Variants in SSH2 observed in about 807,000 individuals in gnomAD.
The protein encoded by SSH2 is slingshot protein phosphatase 2, also known as protein phosphatase Slingshot homolog 2.
SSH2 carries 37 observed loss-of-function variants against 135.2 expected under a neutral mutation model. The observed-to-expected ratio is 0.27, with a 90% CI of 0.21 to 0.36. The LOEUF is 0.36. SSH2 is among the 10% of genes least tolerant of loss of function. The pLI is 1.00. For missense variants in SSH2, 1,408 were observed against 1,765.3 expected (o/e 0.80, Z 3.63); for synonymous variants, 628 against 646.2 (o/e 0.97, Z 0.43).
chr17:29,850,931 G>A (rs535759794), intron 1 of SSH2, among the ~76,000 whole-genome samples: 1 of 152,276 alleles, frequency 6.6e-6, no homozygotes, highest in African/African-American at 2.4e-5. Flanking sequence ...GTTGCAGTGA[G>A]CCGAGATCGC....
chr17:29,728,946 C>T (rs1372566803), intron 3 of SSH2, among the ~76,000 whole-genome samples: 3 of 152,148 alleles, frequency 2.0e-5, no homozygotes, highest in Admixed American at 6.5e-5. Flanking sequence ...GAAACCACTA[C>T]AAGAAAACAC....
intron 3 of SSH2, among the ~76,000 whole-genome samples, chr17:29,759,190 C>G (rs1453680265): frequency 6.6e-6 from 1 of 152,070 alleles, no homozygotes; most frequent in Admixed American, 6.6e-5. Flanking sequence ...CATGCGCCAC[C>G]GCACCTGGCT....
chr17:29,742,021 G>A (rs1185671265), intron 3 of SSH2, among the ~76,000 whole-genome samples: 4 of 141,034 alleles, frequency 2.8e-5, no homozygotes, highest in Non-Finnish European at 6.0e-5. Flanking sequence ...TGCAACTTCC[G>A]CCTCCCGGGT....
At chr17:29,922,208 CAAGGCAGGGACTTGGG>C (rs2066988137) in intron 1 of SSH2, among the ~76,000 whole-genome samples, 1 of 152,130 alleles carries the variant, frequency 6.6e-6, no homozygotes, top group South Asian at 2.1e-4. Flanking sequence ...GAGCAGTGTG[CAAGGCAGGGACTTGGG>C]AAGAGACAGG....
intron 2 of SSH2, among the ~76,000 whole-genome samples, chr17:29,803,958 A>G (rs1297779056): frequency 6.6e-6 from 1 of 152,186 alleles, no homozygotes; most frequent in Non-Finnish European, 1.5e-5. Context: ...GTGAATACCT[A>G]GGCACTCATA....
chr17:29,702,214 G>T (rs984226286), intron 4 of SSH2, among the ~76,000 whole-genome samples: 1 of 152,102 alleles, frequency 6.6e-6, no homozygotes, highest in African/African-American at 2.4e-5. Flanking sequence ...TTAGCTGCAT[G>T]TGGTGGTGCA....
rs2035492989 is a variant in SSH2, at chr17:29,626,177, T to C, written c.*4664A>G. ...AGGGAGCACCTGCTTTAATAAAACATGAGCATAAAAGTTTGGGGTGGCTTG... is the reference window on the plus strand; with the variant it reads ...AGGGAGCACCTGCTTTAATAAAACACGAGCATAAAAGTTTGGGGTGGCTTG... On this transcript the variant is annotated 3_prime_UTR_variant, in exon 16 of 16. Transcript: ENST00000540801. 1 of 151,706 alleles carries C rather than the reference T, an allele frequency of 6.6e-6. No individual in the cohort carries two copies. Among genetic ancestry groups the C allele is most frequent in the African/African-American group, 2.4e-5 (1 of 41,080 alleles). 9.4% of individuals were successfully genotyped at this position (151,706 alleles called of 1,614,324 possible). A position where few individuals can be genotyped will look rare whatever the true frequency, so the allele number is the denominator to read the frequency against.
intron 3 of SSH2, among the ~76,000 whole-genome samples, chr17:29,734,211 G>A (rs1041538829): frequency 2.0e-5 from 3 of 152,098 alleles, no homozygotes; most frequent in African/African-American, 7.2e-5. Flanking sequence ...ATGAGCCACC[G>A]CATCTGGCCT....
chr17:29,920,587 T>A (rs1370444438), intron 1 of SSH2, among the ~76,000 whole-genome samples: 6 of 152,218 alleles, frequency 3.9e-5, no homozygotes, highest in South Asian at 4.1e-4. Context: ...AAGGAGTGAC[T>A]GTTTCATATA....
chr17:29,736,275 T>C (rs2040360969), intron 3 of SSH2, among the ~76,000 whole-genome samples: 1 of 152,190 alleles, frequency 6.6e-6, no homozygotes, highest in Non-Finnish European at 1.5e-5. Flanking sequence ...TACACTTCTC[T>C]AAACCTGTTG....
intron 1 of SSH2, among the ~76,000 whole-genome samples, chr17:29,874,406 C>T (rs893472092): frequency 1.3e-5 from 2 of 152,108 alleles, no homozygotes; most frequent in African/African-American, 4.8e-5. Flanking sequence ...GGTCCCCACC[C>T]AGATCTCATC....
chr17:29,681,488 C>T (rs534442825), intron 6 of SSH2, among the ~76,000 whole-genome samples: 27 of 150,554 alleles, frequency 1.8e-4, no homozygotes, highest in Non-Finnish European at 3.7e-4. Flanking sequence ...AGTAAATATT[C>T]AATTCATTCA....
intron 5 of SSH2, 114 bp from the exon 6 acceptor site, chr17:29,684,798 T>A: frequency 1.1e-6 from 1 of 890,488 alleles, no homozygotes; most frequent in Non-Finnish European, 1.6e-6. Context: ...GCAGAGCCAG[T>A]AGTTAGGAGA....
At chr17:29,926,374 A>AC (rs2067065452) in intron 1 of SSH2, among the ~76,000 whole-genome samples, 1 of 150,254 alleles carries the variant, frequency 6.7e-6, no homozygotes, top group Non-Finnish European at 1.5e-5. Context: ...CCCCATCTCT[A>AC]CAAAAAAAAA....
intron 1 of SSH2, among the ~76,000 whole-genome samples, chr17:29,896,880 T>C (rs1178049909): frequency 1.3e-5 from 2 of 151,846 alleles, no homozygotes; most frequent in Non-Finnish European, 2.9e-5. Flanking sequence ...TTCACTGACA[T>C]CTATTTATTA....
At chr17:29,661,061 CAAAAAAAAAAAA>C (rs374216221) in intron 11 of SSH2, among the ~76,000 whole-genome samples, 1 of 48,332 alleles carries the variant, frequency 2.1e-5, no homozygotes, top group Admixed American at 2.4e-4. Context: ...AATTCCATCT[CAAAAAAAAAAAA>C]AAAAAAAAAG....
At chr17:29,892,031 T>A (rs2066358874) in intron 1 of SSH2, among the ~76,000 whole-genome samples, 2 of 152,074 alleles carry the variant, frequency 1.3e-5, no homozygotes, top group Admixed American at 1.3e-4. Context: ...AATGAAGTAA[T>A]AGCCGACTTT....
intron 3 of SSH2, among the ~76,000 whole-genome samples, chr17:29,709,036 A>G (rs2039338368): frequency 1.4e-5 from 2 of 147,348 alleles, no homozygotes; most frequent in South Asian, 4.3e-4. Flanking sequence ...AGAGAGAGAG[A>G]GAGAGAGAGA....
intron 3 of SSH2, among the ~76,000 whole-genome samples, chr17:29,726,266 A>G (rs2040000225): frequency 1.3e-5 from 2 of 152,136 alleles, no homozygotes; most frequent in South Asian, 4.1e-4. Context: ...AGGCAGGGGG[A>G]GCAGCATGTG....
Sources: allele counts gnomAD v4.1 joint callset (sites outside exome capture counted in the v4.1 genomes callset), GRCh38; gene constraint gnomAD v4.1.1; transcripts MANE v1.5; gene names NCBI Gene and HGNC (gene_info 2026-07-23, HGNC 2026-07-21).